Variants in TNFSF11 observed in about 807,000 individuals in gnomAD.
The protein encoded by TNFSF11 is TNF superfamily member 11.
Under a neutral mutation model 32.2 loss-of-function variants are expected in TNFSF11, and 12 were observed. The ratio of observed to expected loss-of-function variants is 0.37; its 90% CI spans 0.24 to 0.60. TNFSF11 has a LOEUF of 0.60. Among genes scored for constraint, TNFSF11 ranks in the 20% least tolerant of loss-of-function variants. The pLI is 0.66. For synonymous variants in TNFSF11, 172 were observed against 152.1 expected, an observed-to-expected ratio of 1.13 and a Z score of -0.96; for missense variants, 345 against 398.0, an observed-to-expected ratio of 0.87 and a Z score of 1.13.
rs2137852319 is a variant in TNFSF11, at chr13:42,574,345, C to T, written c.42C>T (p.Gly14=). 1.9e-6 allele frequency: 3 copies of T among 1,544,474 alleles called. No homozygotes were observed. Among genetic ancestry groups the T allele is most frequent in the Middle Eastern group, 2.3e-4 (1 of 4,362 alleles). The part of the protein sequence containing the change: ...ASRDYTKYLR[G]SEEMGGGPGA... ...GAGACTACACCAAGTACCTGCGTGG[C>T]TCGGAGGAGATGGGCGGCGGCCCCG... The change falls in exon 1 of 5, where the codon GGC becomes GGT. Residue 14 remains glycine (G), a synonymous_variant. Transcript: ENST00000398795.
chr13:42,604,006 T>C (rs961539951), intron 4 of TNFSF11, among the ~76,000 whole-genome samples: 13 of 152,306 alleles, frequency 8.5e-5, no homozygotes, highest in African/African-American at 3.1e-4. Flanking sequence ...ACAATGGGAA[T>C]GGTAATCGGT....
chr13:42,605,438 C>T (rs1449401782), intron 4 of TNFSF11, among the ~76,000 whole-genome samples: 1 of 152,196 alleles, frequency 6.6e-6, no homozygotes, highest in Non-Finnish European at 1.5e-5. Flanking sequence ...ACCAGCTTTT[C>T]CAGTTGAACA....
chr13:42,599,361 T>TATC (rs1566387383), intron 2 of TNFSF11, among the ~76,000 whole-genome samples: 1 of 151,046 alleles, frequency 6.6e-6, no homozygotes, highest in Non-Finnish European at 1.5e-5. Context: ...TCTATCTATC[T>TATC]ATCTATCTAT....
chr13:42,597,894 G>A (rs368297539), intron 2 of TNFSF11, among the ~76,000 whole-genome samples: 2 of 151,546 alleles, frequency 1.3e-5, no homozygotes, highest in African/African-American at 4.9e-5. Flanking sequence ...CTGTCACCTA[G>A]GCTGGAGTGC....
At position 42,594,365 on chromosome 13, in the gene TNFSF11, G is replaced by C. The variant is rs149229666; in HGVS notation, c.388-6387G>C. Among the ~76,000 whole-genome samples the C allele has an allele frequency of 2.9e-3, 447 of 151,948 alleles. 5 individuals are homozygous for C. The highest frequency in any genetic ancestry group is 9.9e-3 in the African/African-American group (409 of 41,414). On this transcript the variant is annotated intron_variant, in intron 2 of 4. Transcript: ENST00000398795. ...CCGAAAGTGCTGGGATTACAGGTGT[G>C]AGCCACTGCACCAGGCCTATTTATA...
intron 1 of TNFSF11, among the ~76,000 whole-genome samples, chr13:42,563,800 G>A (rs1415901999): frequency 6.6e-6 from 1 of 152,002 alleles, no homozygotes; most frequent in Non-Finnish European, 1.5e-5. Context: ...ATTATGGTTT[G>A]GCTAGGTGTA....
intron 4 of TNFSF11, among the ~76,000 whole-genome samples, chr13:42,602,306 G>T (rs899526118): frequency 6.6e-6 from 1 of 152,144 alleles, no homozygotes; most frequent in Non-Finnish European, 1.5e-5. Flanking sequence ...GTGGAAGAAC[G>T]GCCATAGTAA....
chr13:42,574,760 C>T (rs1246194022), intron 1 of TNFSF11, among the ~76,000 whole-genome samples: 3 of 152,182 alleles, frequency 2.0e-5, no homozygotes, highest in African/African-American at 7.2e-5. Flanking sequence ...GCTCTGGGGG[C>T]GGACTCCCCT....
chr13:42,599,351 TC>T (rs1869023195), intron 2 of TNFSF11, among the ~76,000 whole-genome samples: 1 of 146,444 alleles, frequency 6.8e-6, no homozygotes, highest in South Asian at 2.2e-4. Context: ...CTATCTATCA[TC>T]TATCTATCTA....
At chr13:42,579,200 C>T (rs1288458406) in intron 1 of TNFSF11, among the ~76,000 whole-genome samples, 1 of 151,718 alleles carries the variant, frequency 6.6e-6, no homozygotes, top group East Asian at 1.9e-4. Context: ...CAAGACAAGC[C>T]TGGGCAACAC....
chr13:42,584,931 G>A (rs1873809035), intron 2 of TNFSF11, among the ~76,000 whole-genome samples: 1 of 152,216 alleles, frequency 6.6e-6, no homozygotes, highest in South Asian at 2.1e-4. Context: ...GGAGGTAGAA[G>A]ATGCCATTTC....
rs553528673 is a variant in TNFSF11, at chr13:42,606,216, T to C, written c.533-281T>C. On this transcript the variant is annotated intron_variant, in intron 4 of 4. Transcript: ENST00000398795. ...TTGCCTATTGTTACTCATGCCTTAC[T>C]TCTGCTCTGAACACATATCGTACTT... 2.8e-4 allele frequency among the ~76,000 whole-genome samples: 42 copies of C among 152,316 alleles called. 1 individual carries two copies. In the South Asian group the frequency reaches 7.9e-3, roughly 29 times the overall value.
chr13:42,587,154 G>A (rs1026327971), intron 2 of TNFSF11, among the ~76,000 whole-genome samples: 2 of 152,172 alleles, frequency 1.3e-5, no homozygotes, highest in Non-Finnish European at 2.9e-5. Flanking sequence ...TTCTAAGTTG[G>A]CTTCTCCATT....
intron 1 of TNFSF11, among the ~76,000 whole-genome samples, chr13:42,579,238 A>C (rs1566375974): frequency 6.6e-6 from 1 of 151,988 alleles, no homozygotes. Context: ...ACCAAGAAAA[A>C]AAAAGGAAGA....
intron 4 of TNFSF11, among the ~76,000 whole-genome samples, chr13:42,603,647 G>C (rs1869296602): frequency 6.6e-6 from 1 of 152,030 alleles, no homozygotes; most frequent in Admixed American, 6.6e-5. Flanking sequence ...TGGCTTCTCT[G>C]CCCCTTCCTG....
chr13:42,604,889 T>G lies in TNFSF11; in HGVS notation c.533-1608T>G, dbSNP rs150345958. 2.6e-3 allele frequency among the ~76,000 whole-genome samples: 391 copies of G among 152,334 alleles called. 3 individuals carry two copies. The highest frequency in any genetic ancestry group is 0.02 in the Middle Eastern group (6 of 294). On this transcript the variant is annotated intron_variant, in intron 4 of 4. Coordinates refer to ENST00000398795, the MANE Select transcript of TNFSF11 (RefSeq NM_003701.4). ...ACCTCCACCTCCTGGATTCAAGTAA[T>G]TCTCCTGCCTCAGTCTCCTGAGTAG... is the stretch of plus-strand genomic sequence containing the variant.
chr13:42,606,159 G>C (rs753932955), intron 4 of TNFSF11, among the ~76,000 whole-genome samples: 9 of 152,208 alleles, frequency 5.9e-5, no homozygotes, highest in Non-Finnish European at 1.2e-4. Context: ...TTGTCTCTCC[G>C]TCCTTTGAGC....
intron 2 of TNFSF11, among the ~76,000 whole-genome samples, chr13:42,581,934 G>T (rs941114784): frequency 1.4e-4 from 21 of 152,184 alleles, no homozygotes; most frequent in Non-Finnish European, 2.8e-4. Context: ...TGTAATAACT[G>T]CCAGTTTTAC....
chr13:42,579,704 C>CTTT (rs59375842), intron 1 of TNFSF11, among the ~76,000 whole-genome samples: 2 of 65,490 alleles, frequency 3.1e-5, no homozygotes, highest in African/African-American at 1.2e-4. Flanking sequence ...TAAGTAAGCC[C>CTTT]TTTTTTTTTT....
Sources: allele counts gnomAD v4.1 joint callset (sites outside exome capture counted in the v4.1 genomes callset), GRCh38; gene constraint gnomAD v4.1.1; transcripts MANE v1.5; gene names NCBI Gene and HGNC (gene_info 2026-07-23, HGNC 2026-07-21).